Variants in ACBD6 observed in about 807,000 individuals in gnomAD.
ACBD6 encodes the protein acyl-CoA-binding domain-containing protein 6.
A neutral mutation model predicts 37.2 loss-of-function variants in ACBD6; 28 were observed. That is an observed-to-expected ratio of 0.75 (90% CI 0.56 to 1.03). The LOEUF (loss-of-function observed/expected upper bound fraction) is 1.03. Ranked by LOEUF, ACBD6 falls within the 50% of genes least tolerant of loss-of-function variation. The pLI, the probability that ACBD6 is intolerant of heterozygous loss-of-function variation, is 0.00. For missense variants in ACBD6, 340 were observed against 337.4 expected (o/e 1.01, Z -0.06); for synonymous variants, 113 against 126.8 (o/e 0.89, Z 0.73).
chr1:180,311,160 G>T (rs1432641864), intron 7 of ACBD6, among the ~76,000 whole-genome samples: 1 of 152,176 alleles, frequency 6.6e-6, no homozygotes, highest in African/African-American at 2.4e-5. Flanking sequence ...TATAAAAGAT[G>T]AGAGTTCCCT....
chr1:180,332,967 T>C (rs1039220246), intron 6 of ACBD6, among the ~76,000 whole-genome samples: 1 of 152,194 alleles, frequency 6.6e-6, no homozygotes, highest in African/African-American at 2.4e-5. Context: ...TGGCCTAGAA[T>C]AGCAGTTCTT....
At chr1:180,294,460 C>A (rs1029393689) in intron 7 of ACBD6, among the ~76,000 whole-genome samples, 9 of 151,878 alleles carry the variant, frequency 5.9e-5, no homozygotes, top group Admixed American at 1.3e-4. Context: ...ATCGCTTGAA[C>A]CTGGGAGGTG....
At position 180,458,991 on chromosome 1, in the gene ACBD6, T is replaced by G. The variant is rs867812874; in HGVS notation, c.385-28729A>C. On this transcript the variant is annotated intron_variant, in intron 3 of 7. Coordinates refer to ENST00000367595, the MANE Select transcript of ACBD6 (RefSeq NM_032360.4). ...TTTTTAAAGGTTTTATTAGAAAGTT[T>G]TATTAGAAGTTTTATTAGAACCTCA... Among the ~76,000 whole-genome samples the G allele has an allele frequency of 8.5e-5, 13 of 152,214 alleles. No homozygotes were observed. In the South Asian group the frequency reaches 1.4e-3, roughly 17 times the overall value.
chr1:180,280,183 G>A (rs1326869352), intron 9 of ACBD6, among the ~76,000 whole-genome samples: 1 of 152,146 alleles, frequency 6.6e-6, no homozygotes, highest in Non-Finnish European at 1.5e-5. Flanking sequence ...GTTAGGGAGA[G>A]TGGGCAAGGA....
At chr1:180,358,446 AC>A (rs1335067063) in intron 6 of ACBD6, among the ~76,000 whole-genome samples, 2 of 15,220 alleles carry the variant, frequency 1.3e-4, no homozygotes, top group Admixed American at 8.5e-4. Flanking sequence ...AACAACAACA[AC>A]AAAAAAAAAA....
chr1:180,332,962 T>C (rs1419068864), intron 6 of ACBD6, among the ~76,000 whole-genome samples: 2 of 152,220 alleles, frequency 1.3e-5, no homozygotes, highest in Non-Finnish European at 2.9e-5. Context: ...TACCATGGCC[T>C]AGAATAGCAG....
intron 3 of ACBD6, among the ~76,000 whole-genome samples, chr1:180,448,151 T>C (rs1649547816): frequency 6.6e-6 from 1 of 152,228 alleles, no homozygotes; most frequent in South Asian, 2.1e-4. Context: ...AATAAGCTAA[T>C]GGCCCTAATG....
At chr1:180,333,362 G>T (rs893597999) in intron 6 of ACBD6, among the ~76,000 whole-genome samples, 1 of 152,126 alleles carries the variant, frequency 6.6e-6, no homozygotes. Flanking sequence ...GACAACACAA[G>T]TGATATAGCT....
At chr1:180,448,216 C>G (rs1649551392) in intron 3 of ACBD6, among the ~76,000 whole-genome samples, 1 of 151,994 alleles carries the variant, frequency 6.6e-6, no homozygotes, top group Non-Finnish European at 1.5e-5. Context: ...CTACCAAGAC[C>G]CATACAAATA....
chr1:180,447,415 T>C (rs1649517515), intron 3 of ACBD6, among the ~76,000 whole-genome samples: 1 of 152,090 alleles, frequency 6.6e-6, no homozygotes, highest in Non-Finnish European at 1.5e-5. Flanking sequence ...AAACCAAAAA[T>C]GGTAAATTGC....
At chr1:180,393,023 G>C (rs367872270) in intron 6 of ACBD6, among the ~76,000 whole-genome samples, 1 of 152,274 alleles carries the variant, frequency 6.6e-6, no homozygotes, top group East Asian at 1.9e-4. Context: ...TGTGCTTTGG[G>C]GGGTAGTTTT....
rs532165203 is a variant in ACBD6, at chr1:180,481,434, T to A, written c.384+10835A>T. ...CTTGGGGCAAAAAAATACTTAATCA[T>A]GCAGACTTTGTGCTTTATAATATTT... On this transcript the variant is annotated intron_variant, in intron 3 of 7. Coordinates refer to ENST00000367595, the MANE Select transcript of ACBD6 (RefSeq NM_032360.4). Among the ~76,000 whole-genome samples the A allele has an allele frequency of 3.3e-5, 5 of 152,336 alleles. No individual in the cohort carries two copies. The East Asian group carries it at 9.6e-4, about 29-fold the overall frequency.
chr1:180,362,218 T>C (rs555909484), intron 6 of ACBD6, among the ~76,000 whole-genome samples: 1 of 152,358 alleles, frequency 6.6e-6, no homozygotes, highest in Admixed American at 6.5e-5. Context: ...GAATAATGAA[T>C]AATTAAGTTA....
chr1:180,295,711 AT>A (rs1023766504), intron 7 of ACBD6, among the ~76,000 whole-genome samples: 95 of 152,006 alleles, frequency 6.2e-4, no homozygotes, highest in African/African-American at 2.2e-3. Flanking sequence ...TACTATTGTA[AT>A]TTTTTGGGGG....
chr1:180,363,926 T>C (rs1243970281), intron 6 of ACBD6, among the ~76,000 whole-genome samples: 2 of 152,164 alleles, frequency 1.3e-5, no homozygotes, highest in Non-Finnish European at 2.9e-5. Context: ...ATATTAGAAG[T>C]AAGCTCATGG....
chr1:180,407,978 TTAA>T lies in ACBD6; in HGVS notation c.573+5385_573+5387del, dbSNP rs930215790. Among the ~76,000 whole-genome samples, 3 of 152,320 alleles carry T rather than the reference TTAA, an allele frequency of 2.0e-5. No homozygotes were observed. In the East Asian group the frequency reaches 5.8e-4, roughly 29 times the overall value. On this transcript the variant is annotated intron_variant, in intron 5 of 7. Coordinates refer to ENST00000367595, the MANE Select transcript of ACBD6 (RefSeq NM_032360.4). Reference sequence around the variant, plus strand: ...TTATCATCATCCTTCACTCATACTATTAATAATAAAAGTAGATAAAATATACAG... The same window carrying T: ...TTATCATCATCCTTCACTCATACTATTAATAAAAGTAGATAAAATATACAG...
At chr1:180,398,265 C>T (rs1231236015) in intron 5 of ACBD6, among the ~76,000 whole-genome samples, 1 of 152,032 alleles carries the variant, frequency 6.6e-6, no homozygotes, top group Non-Finnish European at 1.5e-5. Flanking sequence ...GTAAACTGTA[C>T]TTTAAATATA....
chr1:180,449,560 A>G (rs1649616062), intron 3 of ACBD6, among the ~76,000 whole-genome samples: 3 of 151,896 alleles, frequency 2.0e-5, no homozygotes, highest in Admixed American at 2.0e-4. Flanking sequence ...GGTGCCCGCC[A>G]CCACACCCGG....
At chr1:180,299,403 G>C (rs969251325) in intron 7 of ACBD6, among the ~76,000 whole-genome samples, 5 of 152,112 alleles carry the variant, frequency 3.3e-5, no homozygotes, top group Non-Finnish European at 7.4e-5. Context: ...CAAGTCTATA[G>C]GGATTAGAAC....
Sources: gnomAD v4.1 joint callset for allele counts (sites outside exome capture counted in the v4.1 genomes callset) on GRCh38, gnomAD v4.1.1 for gene constraint, MANE v1.5 for transcripts, NCBI Gene and HGNC (gene_info 2026-07-23, HGNC 2026-07-21) for gene names.